KNOP1: variants seen among roughly 807,000 people sequenced by gnomAD.
KNOP1 encodes lysine-rich nucleolar protein 1.
In KNOP1, 20 loss-of-function variants were observed where a neutral mutation model predicts 30.6. The ratio of observed to expected loss-of-function variants is 0.65; its 90% CI spans 0.46 to 0.95. The LOEUF is 0.95. Ranked by LOEUF, KNOP1 falls within the 40% of genes least tolerant of loss-of-function variation. The pLI is 0.00. For synonymous variants in KNOP1, 204 were observed against 210.0 expected, an observed-to-expected ratio of 0.97 and a Z score of 0.25; for missense variants, 540 against 562.0, an observed-to-expected ratio of 0.96 and a Z score of 0.40.
intron 1 of KNOP1, chr16:19,716,496 A>C (rs1050926599): frequency 2.6e-5 from 4 of 152,298 alleles, no homozygotes; most frequent in African/African-American, 9.6e-5. Context: ...AAGTGGCTGA[A>C]GAACAGGCTT....
intron 2 of KNOP1, among the ~76,000 whole-genome samples, chr16:19,713,690 G>A (rs1367691696): frequency 1.3e-5 from 2 of 152,202 alleles, no homozygotes; most frequent in Non-Finnish European, 2.9e-5. Context: ...TGTATACTGA[G>A]CTGTGATGAT....
At chr16:19,714,064 A>C (rs1976855407) in intron 2 of KNOP1, 54 bp downstream of exon 2, 59 of 1,418,158 alleles carry the variant, frequency 4.2e-5, no homozygotes, top group Non-Finnish European at 5.1e-5. Context: ...CACCCCTCCC[A>C]AACCCCACCC....
At chr16:19,712,623 TG>T (rs1402403182) in intron 2 of KNOP1, among the ~76,000 whole-genome samples, 1 of 152,164 alleles carries the variant, frequency 6.6e-6, no homozygotes, top group Non-Finnish European at 1.5e-5. Context: ...ATCTGTCAAA[TG>T]GGGGTGCCCA....
At position 19,709,576 on chromosome 16, in the gene KNOP1, T is replaced by C. The variant is rs1294787325; in HGVS notation, c.1065+933A>G. ...GCCGCTGAGGCCGAGGCCTGTGGCCTGTAGCCCTCTCGTCCCTCATTCCAG... is the reference window on the plus strand; with the variant it reads ...GCCGCTGAGGCCGAGGCCTGTGGCCCGTAGCCCTCTCGTCCCTCATTCCAG... On this transcript the variant is annotated intron_variant, in intron 4 of 4. Coordinates refer to ENST00000219837, the MANE Select transcript of KNOP1 (RefSeq NM_001012991.3). 4.6e-5 allele frequency among the ~76,000 whole-genome samples: 7 copies of C among 152,336 alleles called. 1 individual carries two copies. The South Asian group carries it at 6.2e-4, about 14-fold the overall frequency.
chr16:19,717,532 A>C (rs996303896), intron 1 of KNOP1: 7 of 985,406 alleles, frequency 7.1e-6, no homozygotes, highest in Non-Finnish European at 8.4e-6. Flanking sequence ...TCAACTCTTA[A>C]TCCCCTTCTC....
intron 1 of KNOP1, chr16:19,715,274 A>C: frequency 2.5e-6 from 1 of 393,360 alleles, no homozygotes; most frequent in Non-Finnish European, 4.5e-6. Context: ...TAAATCAGCT[A>C]ACCTCCCTGA....
chr16:19,714,760 C>T lies in KNOP1; in HGVS notation c.276G>A (p.Arg92=), dbSNP rs200153333. The change falls in exon 2 of 5, where the codon CGG becomes CGA. Residue 92 remains arginine (R), a synonymous_variant. Transcript: ENST00000219837. ...TCCTGAGGCTGGGTGACTTCTCTGT[C>T]CGTCTAGCAGGCAGCGTGGTCTCAG... is the stretch of plus-strand genomic sequence containing the variant. ...VEPETTLPAR[R]TEKSPSLRKQ... 65 of 1,614,188 alleles carry T rather than the reference C, an allele frequency of 4.0e-5. No homozygotes were observed. In the East Asian group the frequency reaches 7.4e-4, roughly 18 times the overall value.
chr16:19,708,278 T>C (rs1976524003), intron 4 of KNOP1, among the ~76,000 whole-genome samples: 1 of 150,622 alleles, frequency 6.6e-6, no homozygotes, highest in African/African-American at 2.4e-5. Flanking sequence ...CCAGCCAGAG[T>C]GCGCTACCAC....
In KNOP1 at chr16:19,715,040, G is replaced by GA. The variant is rs1976950501; in HGVS notation, c.-2-4dup. The GA allele has an allele frequency of 4.5e-6, 7 of 1,541,428 alleles. No individual in the cohort carries two copies. Among genetic ancestry groups the GA allele is most frequent in the South Asian group, 1.3e-5 (1 of 76,980 alleles). ...TTTGTGTGTCTTGGTGATCATTCCT[G>GA]AAAAAACAAATGGTACAAGTTATCC... On this transcript the variant is annotated splice_region_variant and splice_polypyrimidine_tract_variant and intron_variant, in intron 1 of 4. Coordinates refer to ENST00000219837, the MANE Select transcript of KNOP1 (RefSeq NM_001012991.3).
Position 19,703,372 on chromosome 16 carries a change from T to A in KNOP1, c.*3538A>T, listed in dbSNP as rs1016996342. The A allele has an allele frequency of 6.6e-6, 1 of 152,172 alleles. No individual in the cohort carries two copies. The highest frequency in any genetic ancestry group is 2.4e-5 in the African/African-American group (1 of 41,430). The allele number at this position is 152,172 out of a possible 1,614,324, so 9.4% of individuals were successfully genotyped here. ...TCTTTTTTGCCTTCCTCTTCCACAT[T>A]TAGGGATCTTTGTGATTCCTCCGGC... On this transcript the variant is annotated 3_prime_UTR_variant, in exon 5 of 5. Transcript: ENST00000219837.
At chr16:19,708,292 T>C (rs977054171) in intron 4 of KNOP1, among the ~76,000 whole-genome samples, 5 of 151,538 alleles carry the variant, frequency 3.3e-5, no homozygotes, top group Admixed American at 6.6e-5. Flanking sequence ...CTACCACCCA[T>C]GTGCAAGAAA....
chr16:19,710,459 C>T (rs201704529), intron 4 of KNOP1, 50 bp downstream of exon 4: 17 of 1,582,030 alleles, frequency 1.1e-5, no homozygotes, highest in Admixed American at 1.7e-5. Context: ...GGGGAAGCGT[C>T]GGGAGGCCGA....
chr16:19,707,773 G>A (rs1225331408), intron 4 of KNOP1, among the ~76,000 whole-genome samples: 1 of 77,552 alleles, frequency 1.3e-5, no homozygotes, highest in Non-Finnish European at 2.4e-5. Context: ...CGCACATGGC[G>A]CACCTCCTCC....
intron 1 of KNOP1, among the ~76,000 whole-genome samples, chr16:19,716,799 A>G (rs1196081595): frequency 6.6e-6 from 1 of 152,136 alleles, no homozygotes; most frequent in African/African-American, 2.4e-5. Flanking sequence ...ATACTGTTGT[A>G]ATTGTTCTAT....
rs1254238963 is a variant in KNOP1, at chr16:19,705,210, G to A, written c.*1700C>T. On this transcript the variant is annotated 3_prime_UTR_variant, in exon 5 of 5. Coordinates refer to ENST00000219837, the MANE Select transcript of KNOP1 (RefSeq NM_001012991.3). ...ATGATGGAGAGAATGCTTCCTTGGC[G>A]AGCTGTTGAACCAGGCCCTAATCAG... 8 of 455,920 alleles carry A rather than the reference G, an allele frequency of 1.8e-5. No homozygotes were observed. The highest frequency in any genetic ancestry group is 1.4e-4 in the East Asian group (2 of 14,402). 28.2% of individuals were successfully genotyped at this position (455,920 alleles called of 1,614,324 possible).
At chr16:19,717,193 AAC>A (rs1008820479) in intron 1 of KNOP1, among the ~76,000 whole-genome samples, 4 of 152,174 alleles carry the variant, frequency 2.6e-5, no homozygotes, top group Admixed American at 6.5e-5. Flanking sequence ...CACAAGAAAA[AAC>A]AGTTATATTT....
rs1290375661 is a variant in KNOP1, at chr16:19,705,299, T to C, written c.*1611A>G. 1 of 455,566 alleles carries C rather than the reference T, an allele frequency of 2.2e-6. No homozygotes were observed. The highest frequency in any genetic ancestry group is 1.6e-5 in the South Asian group (1 of 64,486). 28.2% of individuals were successfully genotyped at this position (455,566 alleles called of 1,614,324 possible). On this transcript the variant is annotated 3_prime_UTR_variant, in exon 5 of 5. Coordinates refer to ENST00000219837, the MANE Select transcript of KNOP1 (RefSeq NM_001012991.3). Reference sequence around the variant, plus strand: ...AGGCCTGCCTGGGCTGGGATGTCTGTAGGAGGCATGTTCAGGCCAAACGAT... The same window carrying C: ...AGGCCTGCCTGGGCTGGGATGTCTGCAGGAGGCATGTTCAGGCCAAACGAT...
chr16:19,711,295 A>T (rs1162249101), intron 3 of KNOP1, 77 bp downstream of exon 3: 8 of 1,467,188 alleles, frequency 5.5e-6, no homozygotes, highest in African/African-American at 1.4e-5. Flanking sequence ...TCACCTAGCC[A>T]GCCTGGCAGG....
Position 19,711,344 on chromosome 16 carries a change from AG to A in KNOP1, c.987+27del, listed in dbSNP as rs773055809. ...TCCAAGGGTGGCAGGAGGCAGCGGG[AG>A]GGGCCTGAGGAGGGTCTGGGCTGTA... On this transcript the variant is annotated intron_variant, in intron 3 of 4. Transcript: ENST00000219837. 44 of 1,611,492 alleles carry A rather than the reference AG, an allele frequency of 2.7e-5. 1 individual carries two copies. In the South Asian group the frequency reaches 4.7e-4, roughly 17 times the overall value.
Sources: gnomAD v4.1 joint callset for allele counts (sites outside exome capture counted in the v4.1 genomes callset) on GRCh38, gnomAD v4.1.1 for gene constraint, MANE v1.5 for transcripts, NCBI Gene and HGNC (gene_info 2026-07-23, HGNC 2026-07-21) for gene names.